Variants in TMEM117 observed in about 807,000 individuals in gnomAD.
The protein encoded by TMEM117 is transmembrane protein 117.
A neutral mutation model predicts 52.4 loss-of-function variants in TMEM117; 27 were observed. The observed-to-expected ratio is 0.51, with a 90% confidence interval of 0.38 to 0.71. TMEM117 has a LOEUF of 0.71. Ranked by LOEUF, TMEM117 falls within the 30% of genes least tolerant of loss-of-function variation. The pLI is 0.00. For synonymous variants in TMEM117, 215 were observed against 206.3 expected (o/e 1.04, Z -0.36); for missense variants, 556 against 630.5 (o/e 0.88, Z 1.26).
chr12:44,249,226 A>G (rs1050468041), intron 5 of TMEM117, among the ~76,000 whole-genome samples: 3 of 152,082 alleles, frequency 2.0e-5, no homozygotes, highest in African/African-American at 7.2e-5. Context: ...TTGTATTCAA[A>G]TGTATGTGGT....
rs554840740 is a variant in TMEM117 at position 43,964,841 on chromosome 12, A to T, written c.410+20499A>T. Among the ~76,000 whole-genome samples the T allele has an allele frequency of 2.6e-5, 4 of 152,314 alleles. No homozygotes were observed. In the East Asian group the frequency reaches 7.7e-4, roughly 29 times the overall value. On this transcript the variant is annotated intron_variant, in intron 3 of 7. Transcript: ENST00000266534. ...GCCATTTTGGTTCTAAATACTTCGA[A>T]TGTCATCCTTAGTTAATAGAAATAA...
the TMEM117 span, among the ~76,000 whole-genome samples, chr12:43,814,434 C>T: frequency 6.6e-6 from 1 of 152,162 alleles, no homozygotes; most frequent in Non-Finnish European, 1.5e-5. Context: ...CCACTGGCTT[C>T]TCTAGATGTT....
At chr12:44,166,664 C>T (rs1247711676) in intron 4 of TMEM117, among the ~76,000 whole-genome samples, 2 of 152,176 alleles carry the variant, frequency 1.3e-5, no homozygotes, top group Admixed American at 1.3e-4. Context: ...CATGCTGCTA[C>T]AAGCCTTGCA....
At chr12:44,272,138 A>T (rs1950454321) in intron 5 of TMEM117, among the ~76,000 whole-genome samples, 1 of 152,156 alleles carries the variant, frequency 6.6e-6, no homozygotes, top group East Asian at 1.9e-4. Flanking sequence ...GGTGGTATGT[A>T]TATTGGTACA....
Position 44,215,729 on chromosome 12 carries a change from TAAA to T in TMEM117, c.608+4352_608+4354del, listed in dbSNP as rs767284602. 3.6e-3 allele frequency among the ~76,000 whole-genome samples: 537 copies of T among 147,124 alleles called. 4 individuals are homozygous for T. Among genetic ancestry groups the T allele is most frequent in the Middle Eastern group, 0.018 (5 of 282 alleles). On this transcript the variant is annotated intron_variant, in intron 5 of 7. Coordinates refer to ENST00000266534, the MANE Select transcript of TMEM117 (RefSeq NM_032256.3). ...TATTTCCCAAAGCCTTAGCTTTTTTTAAAAAAAAAAAAGACAAAATAGACTTCT... is the reference window on the plus strand; with the variant it reads ...TATTTCCCAAAGCCTTAGCTTTTTTTAAAAAAAAAGACAAAATAGACTTCT...
At chr12:44,382,951 T>C (rs1952040045) in intron 7 of TMEM117, among the ~76,000 whole-genome samples, 1 of 152,212 alleles carries the variant, frequency 6.6e-6, no homozygotes, top group African/African-American at 2.4e-5. Flanking sequence ...ACTGCTCACA[T>C]CTGGAATGAG....
chr12:43,803,623 C>A, the TMEM117 span, among the ~76,000 whole-genome samples: 1 of 152,062 alleles, frequency 6.6e-6, no homozygotes, highest in Non-Finnish European at 1.5e-5. Context: ...AGTTCCTTAA[C>A]TAGTCACTTA....
chr12:44,327,499 T>C (rs1482294619), intron 6 of TMEM117, among the ~76,000 whole-genome samples: 1 of 152,204 alleles, frequency 6.6e-6, no homozygotes, highest in Admixed American at 6.6e-5. Context: ...CACTCATTTT[T>C]ACTTGCTCAG....
intron 4 of TMEM117, among the ~76,000 whole-genome samples, chr12:44,166,060 A>C (rs892412687): frequency 3.9e-5 from 6 of 152,210 alleles, no homozygotes; most frequent in Non-Finnish European, 7.3e-5. Flanking sequence ...CTGGAAATCA[A>C]TAACGTGAAC....
At chr12:43,966,744 T>A (rs1423773797) in intron 3 of TMEM117, among the ~76,000 whole-genome samples, 1 of 152,222 alleles carries the variant, frequency 6.6e-6, no homozygotes, top group African/African-American at 2.4e-5. Flanking sequence ...AAGAATAAAG[T>A]CATAGAAATC....
At chr12:44,063,909 C>T (rs967782419) in intron 3 of TMEM117, among the ~76,000 whole-genome samples, 2 of 151,986 alleles carry the variant, frequency 1.3e-5, no homozygotes, top group African/African-American at 2.4e-5. Flanking sequence ...TAGGCTTGTT[C>T]CTTTCAGATA....
chr12:44,060,413 A>G (rs1947121874), intron 3 of TMEM117, among the ~76,000 whole-genome samples: 1 of 152,130 alleles, frequency 6.6e-6, no homozygotes, highest in African/African-American at 2.4e-5. Flanking sequence ...CTGGGAGAGT[A>G]TTCTTGGCAA....
chr12:43,969,194 T>A (rs565172206), intron 3 of TMEM117, among the ~76,000 whole-genome samples: 18 of 151,824 alleles, frequency 1.2e-4, no homozygotes, highest in African/African-American at 4.1e-4. Flanking sequence ...TATCTGTTAG[T>A]GTACAGTACA....
the TMEM117 span, among the ~76,000 whole-genome samples, chr12:43,828,423 T>C: frequency 1.3e-5 from 2 of 152,130 alleles, no homozygotes; most frequent in African/African-American, 4.8e-5. Flanking sequence ...AAGAAGGCAT[T>C]CCAGCCCCCC....
At chr12:43,870,071 C>G (rs1232883270) in intron 2 of TMEM117, among the ~76,000 whole-genome samples, 1 of 152,126 alleles carries the variant, frequency 6.6e-6, no homozygotes, top group East Asian at 1.9e-4. Context: ...GGCTCCAGCT[C>G]TATCCATGTC....
chr12:44,237,260 G>A (rs1186635242), intron 5 of TMEM117, among the ~76,000 whole-genome samples: 4 of 151,860 alleles, frequency 2.6e-5, no homozygotes, highest in African/African-American at 9.7e-5. Context: ...TTTGAGATGT[G>A]ACAGACGTCA....
chr12:44,124,853 C>A (rs1308808979), intron 3 of TMEM117, among the ~76,000 whole-genome samples: 1 of 152,086 alleles, frequency 6.6e-6, no homozygotes, highest in Non-Finnish European at 1.5e-5. Flanking sequence ...GGATATTGGC[C>A]TGAGGTTTTC....
the TMEM117 span, among the ~76,000 whole-genome samples, chr12:43,806,721 C>T: frequency 1.3e-5 from 2 of 152,128 alleles, no homozygotes; most frequent in Non-Finnish European, 2.9e-5. Flanking sequence ...TAATCGATAC[C>T]GTTTAGTGTA....
chr12:43,831,983 A>G (rs1942985526), upstream of TMEM117, among the ~76,000 whole-genome samples: 1 of 152,202 alleles, frequency 6.6e-6, no homozygotes, highest in Non-Finnish European at 1.5e-5. Context: ...GTGTGATCTG[A>G]GAGTTTTGAA....
Sources: allele counts gnomAD v4.1 joint callset (sites outside exome capture counted in the v4.1 genomes callset), GRCh38; gene constraint gnomAD v4.1.1; transcripts MANE v1.5; gene names NCBI Gene and HGNC (gene_info 2026-07-23, HGNC 2026-07-21).